Variants in PTPRD observed in about 807,000 individuals in gnomAD.
PTPRD encodes the protein protein tyrosine phosphatase receptor type D.
In PTPRD, 34 loss-of-function variants were observed where a neutral mutation model predicts 214.5. The observed-to-expected ratio is 0.16, with a 90% CI of 0.12 to 0.21. The LOEUF (loss-of-function observed/expected upper bound fraction) is 0.21. Among genes scored for constraint, PTPRD ranks in the 10% least tolerant of loss-of-function variants. The probability of loss-of-function intolerance (pLI) is 1.00; values close to 1 mark genes in which losing one functional copy is unlikely to be tolerated. For synonymous variants in PTPRD, 1,128 were observed against 845.7 expected (o/e 1.33, Z -5.79); for missense variants, 2,545 against 2,398.7 (o/e 1.06, Z -1.27).
At chr9:10,304,187 G>T (rs1028755150) in intron 3 of PTPRD, among the ~76,000 whole-genome samples, 1 of 152,110 alleles carries the variant, frequency 6.6e-6, no homozygotes, top group Non-Finnish European at 1.5e-5. Context: ...AATAAATGCA[G>T]AAAAGGCTTC....
intron 5 of PTPRD, among the ~76,000 whole-genome samples, chr9:9,769,317 C>CTTTTTTT (rs34497562): frequency 2.0e-4 from 14 of 69,606 alleles, no homozygotes; most frequent in Non-Finnish European, 3.0e-4. Flanking sequence ...ACCAGAAGCC[C>CTTTTTTT]TTTTTTTTTT....
At chr9:9,101,932 T>C (rs1280908143) in intron 10 of PTPRD, among the ~76,000 whole-genome samples, 3 of 152,198 alleles carry the variant, frequency 2.0e-5, no homozygotes, top group Non-Finnish European at 4.4e-5. Flanking sequence ...GTGAAGTAAA[T>C]AATGATACCT....
At chr9:9,871,513 A>T (rs902427707) in intron 5 of PTPRD, among the ~76,000 whole-genome samples, 3 of 152,196 alleles carry the variant, frequency 2.0e-5, no homozygotes, top group Non-Finnish European at 2.9e-5. Flanking sequence ...TGTATTTCTA[A>T]CTCTAGCTCT....
intron 11 of PTPRD, among the ~76,000 whole-genome samples, chr9:9,007,245 AC>A (rs2099478397): frequency 6.6e-6 from 1 of 151,258 alleles, no homozygotes; most frequent in African/African-American, 2.4e-5. Context: ...ATTTCGATAG[AC>A]TTCTTCACTC....
intron 4 of PTPRD, among the ~76,000 whole-genome samples, chr9:9,962,459 A>G (rs2094430276): frequency 6.6e-6 from 1 of 152,070 alleles, no homozygotes; most frequent in East Asian, 1.9e-4. Flanking sequence ...ATTGAACCTT[A>G]TATAAATGTT....
At chr9:9,667,823 GC>G (rs1385451077) in intron 7 of PTPRD, among the ~76,000 whole-genome samples, 1 of 152,164 alleles carries the variant, frequency 6.6e-6, no homozygotes, top group Non-Finnish European at 1.5e-5. Flanking sequence ...GGACAGGGAA[GC>G]AGTAATCTGC....
intron 7 of PTPRD, among the ~76,000 whole-genome samples, chr9:9,653,594 T>C (rs1469989590): frequency 6.6e-6 from 1 of 152,088 alleles, no homozygotes; most frequent in Middle Eastern, 3.2e-3. Flanking sequence ...CTTACCTGTT[T>C]TTGTGGTTAG....
chr9:9,575,743 A>AAG (rs2088394371), intron 7 of PTPRD, among the ~76,000 whole-genome samples: 2 of 136,882 alleles, frequency 1.5e-5, no homozygotes, highest in African/African-American at 5.5e-5. Context: ...AAAAAAAAAA[A>AAG]AAAGAAAGAA....
intron 12 of PTPRD, among the ~76,000 whole-genome samples, chr9:8,723,414 TCA>T (rs1263696715): frequency 6.6e-6 from 1 of 152,174 alleles, no homozygotes; most frequent in Non-Finnish European, 1.5e-5. Flanking sequence ...GCAGCATTTA[TCA>T]CTCTCCAAAG....
At chr9:9,757,951 CTCTGA>C (rs748110837) in intron 6 of PTPRD, among the ~76,000 whole-genome samples, 2 of 152,064 alleles carry the variant, frequency 1.3e-5, no homozygotes, top group Non-Finnish European at 1.5e-5. Context: ...ACCCCCGAAT[CTCTGA>C]TCTAAGTCAT....
At position 9,130,572 on chromosome 9, in the gene PTPRD, G is replaced by A. The variant is rs1592120044; in HGVS notation, c.-143+52732C>T. On this transcript the variant is annotated intron_variant, in intron 10 of 45. Transcript: ENST00000381196. The stretch of plus-strand genomic sequence containing the variant: ...AAAGTAGGAATCCTGCATAAAAAGT[G>A]TTTATATATTCTCTTTCATCTATTT... Among the ~76,000 whole-genome samples the A allele has an allele frequency of 2.0e-5, 3 of 152,250 alleles. No homozygotes were observed. The East Asian group carries it at 5.8e-4, about 29-fold the overall frequency.
At chr9:8,337,102 A>G (rs978738720) in intron 43 of PTPRD, among the ~76,000 whole-genome samples, 4 of 152,216 alleles carry the variant, frequency 2.6e-5, no homozygotes, top group Non-Finnish European at 4.4e-5. Flanking sequence ...TACTGAGTGT[A>G]TACCCAAAGG....
At chr9:8,600,867 G>A (rs1421844881) in intron 14 of PTPRD, among the ~76,000 whole-genome samples, 1 of 151,974 alleles carries the variant, frequency 6.6e-6, no homozygotes, top group African/African-American at 2.4e-5. Context: ...AACTGCTTCT[G>A]CTTGAGAAAA....
At chr9:9,384,343 CTTTTTTTTTTTTTTTTTTTTTTTTTTTTT>C (rs869246078) in intron 9 of PTPRD, among the ~76,000 whole-genome samples, 1 of 33,316 alleles carries the variant, frequency 3.0e-5, no homozygotes, top group Non-Finnish European at 7.0e-5. Context: ...GAAGACTAGG[CTTTTTTTTTTTTTTTTTTTTTTTTTTTTT>C]TTTTTTTTTT....
intron 12 of PTPRD, among the ~76,000 whole-genome samples, chr9:8,705,948 A>G (rs1448793512): frequency 6.6e-6 from 1 of 152,328 alleles, no homozygotes; most frequent in East Asian, 1.9e-4. Flanking sequence ...CGGAGCATTT[A>G]GTCAGCACTG....
intron 11 of PTPRD, among the ~76,000 whole-genome samples, chr9:8,842,010 C>CAAAA (rs35878855): frequency 1.4e-4 from 20 of 146,836 alleles, no homozygotes; most frequent in African/African-American, 4.8e-4. Flanking sequence ...GACACAGTCT[C>CAAAA]AAAAAAAAAA....
At chr9:8,580,870 G>C (rs568703198) in intron 14 of PTPRD, among the ~76,000 whole-genome samples, 25 of 152,292 alleles carry the variant, frequency 1.6e-4, no homozygotes, top group East Asian at 1.9e-4. Context: ...TGATCCTGTG[G>C]AAGTAGGAAG....
intron 5 of PTPRD, among the ~76,000 whole-genome samples, chr9:9,833,160 A>T (rs1255900371): frequency 6.6e-6 from 1 of 152,014 alleles, no homozygotes; most frequent in African/African-American, 2.4e-5. Context: ...ACAATCTGTT[A>T]AGGGTTCTAT....
At position 9,501,726 on chromosome 9, in the gene PTPRD, A is replaced by G. The variant is rs1205750538; in HGVS notation, c.-237+73006T>C. Among the ~76,000 whole-genome samples, 9 of 152,074 alleles carry G rather than the reference A, an allele frequency of 5.9e-5. No homozygotes were observed. The East Asian group carries it at 1.7e-3, about 29-fold the overall frequency. ...ATAAGGTGTATTTTCTGGATACAAC[A>G]TATCTAAATTATAAATAACTAAAAA... On this transcript the variant is annotated intron_variant, in intron 8 of 45. Coordinates refer to ENST00000381196, the MANE Select transcript of PTPRD (RefSeq NM_002839.4).
Sources: allele counts gnomAD v4.1 joint callset (sites outside exome capture counted in the v4.1 genomes callset), GRCh38; gene constraint gnomAD v4.1.1; transcripts MANE v1.5; gene names NCBI Gene and HGNC (gene_info 2026-07-23, HGNC 2026-07-21).